The following KCNIP1 variants were observed in gnomAD, a reference collection of about 807,000 sequenced individuals.
KCNIP1 encodes the protein potassium voltage-gated channel interacting protein 1.
In KCNIP1, 18 loss-of-function variants were observed where a neutral mutation model predicts 33.0. That is an observed-to-expected ratio of 0.55 (90% CI 0.38 to 0.81). The LOEUF is 0.81. KCNIP1 is among the 30% of genes least tolerant of loss of function. KCNIP1 has a pLI of 0.00. For missense variants in KCNIP1, 238 were observed against 271.6 expected (o/e 0.88, Z 0.87); for synonymous variants, 93 against 98.3 (o/e 0.95, Z 0.32).
chr5:170,375,184 C>A (rs1763955642), intron 1 of KCNIP1: 1 of 152,160 alleles, frequency 6.6e-6, no homozygotes, highest in African/African-American at 2.4e-5. Context: ...ACATTCCGTG[C>A]CCCCTCTACC....
intron 1 of KCNIP1, among the ~76,000 whole-genome samples, chr5:170,562,063 AG>A (rs1156898737): frequency 6.6e-6 from 1 of 152,252 alleles, no homozygotes. Flanking sequence ...GTCGTAAGTC[AG>A]GGATCATCTG....
At chr5:170,425,458 G>T (rs1755592188) in intron 1 of KCNIP1, among the ~76,000 whole-genome samples, 1 of 152,134 alleles carries the variant, frequency 6.6e-6, no homozygotes, top group Admixed American at 6.5e-5. Context: ...GTCATGGGGG[G>T]AGGCAGAGAG....
chr5:170,623,340 TAGCTGGGATTAC>T (rs1322689942), intron 1 of KCNIP1, among the ~76,000 whole-genome samples: 2 of 152,032 alleles, frequency 1.3e-5, no homozygotes, highest in African/African-American at 4.8e-5. Flanking sequence ...GCCTCCCAAG[TAGCTGGGATTAC>T]AGGCACCCGC....
chr5:170,598,814 A>G (rs1294485923), intron 1 of KCNIP1, among the ~76,000 whole-genome samples: 1 of 152,152 alleles, frequency 6.6e-6, no homozygotes, highest in Non-Finnish European at 1.5e-5. Flanking sequence ...GTCATCATAG[A>G]TGCCAAAGCT....
intron 1 of KCNIP1, among the ~76,000 whole-genome samples, chr5:170,668,807 C>T (rs1415680266): frequency 1.3e-5 from 2 of 152,214 alleles, no homozygotes; most frequent in Admixed American, 1.3e-4. Context: ...TTCCCAGGTG[C>T]AGGCTACCTG....
intron 1 of KCNIP1, among the ~76,000 whole-genome samples, chr5:170,364,567 C>T (rs1193491064): frequency 6.6e-6 from 1 of 152,142 alleles, no homozygotes; most frequent in Non-Finnish European, 1.5e-5. Flanking sequence ...ATGATCCGTC[C>T]TCTGCATTTC....
At chr5:170,500,018 C>T (rs1203167582), upstream of KCNIP1, among the ~76,000 whole-genome samples, 1 of 152,172 alleles carries the variant, frequency 6.6e-6, no homozygotes, top group East Asian at 1.9e-4. Flanking sequence ...GTGGCTTATA[C>T]AACAGAAATC....
rs559665985 is a variant in KCNIP1 at position 170,703,909 on chromosome 5, A to G, written c.62-14849A>G. Among the ~76,000 whole-genome samples, 49 of 138,256 alleles carry G rather than the reference A, an allele frequency of 3.5e-4. 7 individuals carry two copies. Among genetic ancestry groups the G allele is most frequent in the Admixed American group, 2.0e-3 (25 of 12,668 alleles). The allele number at this position is 138,256 out of a possible 152,430, so 90.7% of individuals were successfully genotyped here. On this transcript the variant is annotated intron_variant, in intron 1 of 7. Coordinates refer to ENST00000328939, the MANE Select transcript of KCNIP1 (RefSeq NM_014592.4). ...AGATACCGAAAACAAAAATAAAACA[A>G]AAATAAGCACAAGACACAATCTCCG...
chr5:170,664,595 G>C (rs1761633299), intron 1 of KCNIP1, among the ~76,000 whole-genome samples: 1 of 152,126 alleles, frequency 6.6e-6, no homozygotes, highest in Admixed American at 6.5e-5. Flanking sequence ...ACAGGCATGA[G>C]CCACCACTCC....
At chr5:170,395,297 G>T (rs1754730357) in intron 1 of KCNIP1, among the ~76,000 whole-genome samples, 1 of 152,172 alleles carries the variant, frequency 6.6e-6, no homozygotes, top group Non-Finnish European at 1.5e-5. Flanking sequence ...TATTCTGACT[G>T]GTACGAGGTG....
chr5:170,366,010 G>A (rs907762368), intron 1 of KCNIP1, among the ~76,000 whole-genome samples: 8 of 152,188 alleles, frequency 5.3e-5, no homozygotes, highest in South Asian at 2.1e-4. Context: ...CTTGGGAAAC[G>A]GCTGAGTGAC....
At chr5:170,418,484 A>G (rs1347928696) in intron 1 of KCNIP1, among the ~76,000 whole-genome samples, 1 of 152,120 alleles carries the variant, frequency 6.6e-6, no homozygotes, top group African/African-American at 2.4e-5. Flanking sequence ...TGCCTCCTCA[A>G]GTCCTCCTGA....
intron 1 of KCNIP1, among the ~76,000 whole-genome samples, chr5:170,478,923 G>T (rs1009403134): frequency 4.6e-5 from 7 of 151,158 alleles, no homozygotes; most frequent in Non-Finnish European, 8.9e-5. Context: ...AAAAAAAAAG[G>T]TTGGCCATAT....
At chr5:170,662,524 G>A (rs984684466) in intron 1 of KCNIP1, among the ~76,000 whole-genome samples, 1 of 152,156 alleles carries the variant, frequency 6.6e-6, no homozygotes, top group Non-Finnish European at 1.5e-5. Context: ...TCCAATCTGA[G>A]GACTGGGGCC....
At position 170,519,671 on chromosome 5, in the gene KCNIP1, C is replaced by A. The variant is rs189176014; in HGVS notation, c.61+15038C>A. Reference sequence around the variant, plus strand: ...GTGGTTTTTGGATTAGAGCTGCCTGCAGCCTTTATCTGTCTATGGAGTTGA... The same window carrying A: ...GTGGTTTTTGGATTAGAGCTGCCTGAAGCCTTTATCTGTCTATGGAGTTGA... On this transcript the variant is annotated intron_variant, in intron 1 of 7. Transcript: ENST00000328939. Among the ~76,000 whole-genome samples the A allele has an allele frequency of 9.4e-4, 143 of 152,248 alleles. 2 individuals are homozygous for A. The highest frequency in any genetic ancestry group is 1.2e-3 in the Non-Finnish European group (82 of 68,030).
chr5:170,512,998 C>G (rs1361213360), intron 1 of KCNIP1, among the ~76,000 whole-genome samples: 3 of 151,346 alleles, frequency 2.0e-5, no homozygotes, highest in Admixed American at 6.6e-5. Flanking sequence ...TGCAGTGAGC[C>G]GAGATCGCGC....
chr5:170,671,454 T>G (rs1260090633), intron 1 of KCNIP1, among the ~76,000 whole-genome samples: 4 of 152,216 alleles, frequency 2.6e-5, no homozygotes, highest in African/African-American at 9.6e-5. Context: ...CAGCTCTTAG[T>G]TGAAGCATCA....
chr5:170,693,752 G>T lies in KCNIP1; in HGVS notation c.62-25006G>T, dbSNP rs1223804650. The stretch of plus-strand genomic sequence containing the variant: ...CCCATAAATTCCCCTGTCATATCAC[G>T]TGAGCTGCATTTACTGCAGCAGACA... On this transcript the variant is annotated intron_variant, in intron 1 of 7. Coordinates refer to ENST00000328939, the MANE Select transcript of KCNIP1 (RefSeq NM_014592.4). Among the ~76,000 whole-genome samples the T allele has an allele frequency of 2.6e-5, 4 of 152,202 alleles. No individual in the cohort carries two copies. In the South Asian group the frequency reaches 6.2e-4, roughly 24 times the overall value.
At chr5:170,449,229 C>G (rs2113065324) in intron 1 of KCNIP1, among the ~76,000 whole-genome samples, 1 of 152,278 alleles carries the variant, frequency 6.6e-6, no homozygotes, top group Middle Eastern at 3.4e-3. Flanking sequence ...ACCAGCAAGC[C>G]CCGTACTGGA....
Sources: allele counts gnomAD v4.1 joint callset (sites outside exome capture counted in the v4.1 genomes callset), GRCh38; gene constraint gnomAD v4.1.1; transcripts MANE v1.5; gene names NCBI Gene and HGNC (gene_info 2026-07-23, HGNC 2026-07-21).